Variants in AFG3L2 observed in about 807,000 individuals in gnomAD.
The protein encoded by AFG3L2 is AFG3 like matrix AAA peptidase subunit 2.
In AFG3L2, 54 loss-of-function variants were observed where a neutral mutation model predicts 94.5. The ratio of observed to expected loss-of-function variants is 0.57; its 90% confidence interval spans 0.46 to 0.72. The LOEUF (loss-of-function observed/expected upper bound fraction) is 0.72, where lower values mean the gene tolerates loss of function less well. AFG3L2 is among the 30% of genes least tolerant of loss of function. The probability of loss-of-function intolerance (pLI) is 0.00; values close to 1 mark genes in which losing one functional copy is unlikely to be tolerated. For missense variants in AFG3L2, 754 were observed against 994.9 expected, an observed-to-expected ratio of 0.76 and a Z score of 3.26; for synonymous variants, 377 against 365.5, an observed-to-expected ratio of 1.03 and a Z score of -0.36.
At chr18:12,371,571 C>G (rs761370794) in intron 2 of AFG3L2, 21 bp downstream of exon 2, 3 of 1,602,764 alleles carry the variant, frequency 1.9e-6, no homozygotes, top group Non-Finnish European at 2.6e-6. Context: ...TAGAACACTA[C>G]AGCCACACCT....
intron 1 of AFG3L2, 54 bp downstream of exon 1, chr18:12,376,915 C>A: frequency 2.3e-6 from 3 of 1,307,356 alleles, no homozygotes; most frequent in Non-Finnish European, 3.0e-6. Context: ...TCTCCCGAGC[C>A]GGAAGTGGGC....
At position 12,351,275 on chromosome 18, in the gene AFG3L2, A is replaced by ACTGGAC. The variant is rs574904377; in HGVS notation, c.1426+25_1426+30dup. ...AACAGTCACACCTACACTCATGAGC[A>ACTGGAC]CTGGACCTGCCCCAGCAAACATCAT... On this transcript the variant is annotated intron_variant, in intron 11 of 16. Coordinates refer to ENST00000269143, the MANE Select transcript of AFG3L2 (RefSeq NM_006796.3). 8.8e-4 allele frequency: 1,414 copies of ACTGGAC among 1,614,084 alleles called. No individual in the cohort carries two copies. Among genetic ancestry groups the ACTGGAC allele is most frequent in the Non-Finnish European group, 1.1e-3 (1,292 of 1,179,948 alleles).
Position 12,356,721 on chromosome 18 carries a change from C to T in AFG3L2, c.1137G>A (p.Glu379=), listed in dbSNP as rs749806569. Residue 379 remains glutamate (E), a synonymous_variant, in exon 9 of 17, where the codon GAG becomes GAA. Transcript: ENST00000269143. ...FITVSGSEFL[E]MFVGVGPARV... is the part of the protein sequence containing the mutation. ...TAGCAGGGCCCACACCAACGAACAT[C>T]TCCAAAAACTCAGATCCACTAACGG... 1 of 1,614,236 alleles carries T rather than the reference C, an allele frequency of 6.2e-7. No individual in the cohort carries two copies. The highest frequency in any genetic ancestry group is 8.5e-7 in the Non-Finnish European group (1 of 1,180,050).
At position 12,367,577 on chromosome 18, in the gene AFG3L2, T is replaced by C. The variant is rs368099487; in HGVS notation, c.293-195A>G. On this transcript the variant is annotated intron_variant, in intron 3 of 16. Transcript: ENST00000269143. ...TCAGGGAGGCTCCCAAGGGCTATAC[T>C]TGCATCATCTCATGAAATATGCACA... Among the ~76,000 whole-genome samples, 6 of 152,342 alleles carry C rather than the reference T, an allele frequency of 3.9e-5. 1 individual carries two copies. The highest frequency in any genetic ancestry group is 6.5e-5 in the Admixed American group (1 of 15,298).
intron 1 of AFG3L2, among the ~76,000 whole-genome samples, chr18:12,375,265 T>TA (rs1467260144): frequency 2.7e-5 from 4 of 149,088 alleles, no homozygotes; most frequent in African/African-American, 9.8e-5. Context: ...CGCTCTTTTT[T>TA]TTTTTAGGAG....
chr18:12,377,159 G>A lies in AFG3L2; in HGVS notation c.-77C>T, dbSNP rs961586313. The A allele has an allele frequency of 8.6e-6, 10 of 1,161,524 alleles. No individual in the cohort carries two copies. Among genetic ancestry groups the A allele is most frequent in the African/African-American group, 8.2e-5 (5 of 61,148 alleles). 72.0% of individuals were successfully genotyped at this position (1,161,524 alleles called of 1,614,324 possible). A position where few individuals can be genotyped will look rare whatever the true frequency, so the allele number is the denominator to read the frequency against. ...CGACGACTGGCGGCCTCGGGAAGCG[G>A]GCTCGGCTCGGGGAAAGGCCGCCAG... is the stretch of plus-strand genomic sequence containing the variant. On this transcript the variant is annotated 5_prime_UTR_variant, in exon 1 of 17. Coordinates refer to ENST00000269143, the MANE Select transcript of AFG3L2 (RefSeq NM_006796.3).
chr18:12,349,706 G>A (rs533518053), intron 12 of AFG3L2, among the ~76,000 whole-genome samples: 6 of 152,074 alleles, frequency 3.9e-5, no homozygotes, highest in Non-Finnish European at 8.8e-5. Flanking sequence ...TTGTCACCCA[G>A]GCTGGAGTGC....
chr18:12,348,238 A>G, intron 13 of AFG3L2, 35 bp downstream of exon 13: 1 of 1,550,646 alleles, frequency 6.4e-7, no homozygotes. Context: ...TCATTTTATC[A>G]GCCTTTCCAC....
chr18:12,332,374 C>T (rs888293910), intron 16 of AFG3L2, among the ~76,000 whole-genome samples: 11 of 152,130 alleles, frequency 7.2e-5, no homozygotes, highest in Non-Finnish European at 1.5e-4. Context: ...ACTGGGATTA[C>T]AGGGATAAGC....
intron 13 of AFG3L2, among the ~76,000 whole-genome samples, chr18:12,344,989 C>T (rs1384170547): frequency 6.6e-6 from 1 of 152,210 alleles, no homozygotes; most frequent in Non-Finnish European, 1.5e-5. Flanking sequence ...TTATCAAATA[C>T]TGGGCACGCG....
chr18:12,351,337 C>T lies in AFG3L2; in HGVS notation c.1395G>A (p.Arg465=), dbSNP rs752910099. 1 of 1,614,174 alleles carries T rather than the reference C, an allele frequency of 6.2e-7. No individual in the cohort carries two copies. Among genetic ancestry groups the T allele is most frequent in the Admixed American group, 1.7e-5 (1 of 60,022 alleles). The change falls in exon 11 of 17, where the codon AGG becomes AGA. Residue 465 remains arginine, a synonymous_variant. Coordinates refer to ENST00000269143, the MANE Select transcript of AFG3L2 (RefSeq NM_006796.3). ...RPDILDPALL[R]PGRFDRQIFI... is the part of the protein sequence containing the mutation. ...AGATCTGCCTGTCGAAACGCCCCGGCCTAAGCAGCGCGGGGTCCAGGATAT... is the reference window on the plus strand; with the variant it reads ...AGATCTGCCTGTCGAAACGCCCCGGTCTAAGCAGCGCGGGGTCCAGGATAT...
chr18:12,360,851 C>G (rs1045116985), intron 6 of AFG3L2, among the ~76,000 whole-genome samples: 2 of 152,170 alleles, frequency 1.3e-5, no homozygotes, highest in African/African-American at 4.8e-5. Flanking sequence ...CAGTCTGGCT[C>G]CTGAACCAGT....
chr18:12,375,259 C>CT lies in AFG3L2; in HGVS notation c.114+1709dup, dbSNP rs1281498835. Among the ~76,000 whole-genome samples the CT allele has an allele frequency of 4.9e-3, 694 of 141,266 alleles. 16 individuals are homozygous for CT. Among genetic ancestry groups the CT allele is most frequent in the African/African-American group, 0.015 (576 of 38,732 alleles). The allele number at this position is 141,266 out of a possible 152,430, so 92.7% of individuals were successfully genotyped here. ...ATTATTCCCCCTCCCCACCCCCGCT[C>CT]TTTTTTTTTTTAGGAGACAGAGTCC... On this transcript the variant is annotated intron_variant, in intron 1 of 16. Coordinates refer to ENST00000269143, the MANE Select transcript of AFG3L2 (RefSeq NM_006796.3).
intron 1 of AFG3L2, among the ~76,000 whole-genome samples, chr18:12,375,299 A>G (rs1598842103): frequency 7.2e-6 from 1 of 138,296 alleles, no homozygotes; most frequent in Admixed American, 7.8e-5. Context: ...CCCACGCTGG[A>G]GTACAGCAAT....
intron 5 of AFG3L2, 146 bp from the exon 6 acceptor site, chr18:12,364,002 T>A: frequency 1.4e-6 from 1 of 704,722 alleles, no homozygotes; most frequent in Admixed American, 2.3e-5. Flanking sequence ...TTCCCCCCTA[T>A]AATTCTGCAG....
At chr18:12,340,422 T>C in intron 14 of AFG3L2, 21 bp from the exon 15 acceptor site, 1 of 1,563,420 alleles carries the variant, frequency 6.4e-7, no homozygotes, top group Non-Finnish European at 8.8e-7. Flanking sequence ...GAAAACAGTG[T>C]TGAAGATCCT....
At chr18:12,348,483 C>G in intron 12 of AFG3L2, 100 bp from the exon 13 acceptor site, 1 of 873,894 alleles carries the variant, frequency 1.1e-6, no homozygotes, top group Non-Finnish European at 1.9e-6. Flanking sequence ...TTTAAATCAG[C>G]AGTACAATGA....
In AFG3L2 at chr18:12,367,390, TAAAC is replaced by T; in HGVS notation, c.293-12_293-9del. ...TAGCAGCTGGCTTTGATTCTGTTCA[TAAAC>T]AAAGAGCACACACAGAAGCACGGCA... On this transcript the variant is annotated splice_polypyrimidine_tract_variant and intron_variant, in intron 3 of 16. Transcript: ENST00000269143. 4 of 1,613,690 alleles carry T rather than the reference TAAAC, an allele frequency of 2.5e-6. No homozygotes were observed. The East Asian group carries it at 8.9e-5, about 36-fold the overall frequency.
At chr18:12,333,601 G>A (rs866291905) in intron 16 of AFG3L2, among the ~76,000 whole-genome samples, 9 of 151,934 alleles carry the variant, frequency 5.9e-5, no homozygotes, top group Admixed American at 3.9e-4. Context: ...CTGGGCTCAA[G>A]TGATCCACCC....
Sources: allele counts gnomAD v4.1 joint callset (sites outside exome capture counted in the v4.1 genomes callset), GRCh38; gene constraint gnomAD v4.1.1; transcripts MANE v1.5; gene names NCBI Gene and HGNC (gene_info 2026-07-23, HGNC 2026-07-21).